NPRL3: variants seen among roughly 807,000 people sequenced by gnomAD.
NPRL3 encodes the protein GATOR1 complex protein NPRL3.
In NPRL3, 23 loss-of-function variants were observed where a neutral mutation model predicts 57.2. That is an observed-to-expected ratio of 0.40 (90% confidence interval 0.29 to 0.57). The LOEUF (loss-of-function observed/expected upper bound fraction) is 0.57. Among genes scored for constraint, NPRL3 ranks in the 20% least tolerant of loss-of-function variants. NPRL3 has a pLI of 0.42. For synonymous variants in NPRL3, 333 were observed against 321.1 expected (o/e 1.04, Z -0.39); for missense variants, 691 against 767.1 (o/e 0.90, Z 1.17).
chr16:110,492 A>G lies in NPRL3; in HGVS notation c.629+33T>C, dbSNP rs1456159278. ...AGGCCCAGGCAGGCTGGCCCATAAG[A>G]AGGAGGTTAATAAGCACACCCACCT... On this transcript the variant is annotated intron_variant, in intron 7 of 13. Coordinates refer to ENST00000611875, the MANE Select transcript of NPRL3 (RefSeq NM_001077350.3). 4 of 1,575,034 alleles carry G rather than the reference A, an allele frequency of 2.5e-6. No individual in the cohort carries two copies. In the Admixed American group the frequency reaches 7.0e-5, roughly 28 times the overall value.
chr16:131,562 C>T (rs931819705), intron 2 of NPRL3, among the ~76,000 whole-genome samples: 3 of 123,506 alleles, frequency 2.4e-5, no homozygotes, highest in African/African-American at 9.4e-5. Flanking sequence ...TGTGCTACTG[C>T]ACTTGAGCCT....
intron 3 of NPRL3, among the ~76,000 whole-genome samples, chr16:125,459 G>C (rs1900475859): frequency 6.6e-6 from 1 of 152,192 alleles, no homozygotes; most frequent in Admixed American, 6.5e-5. Context: ...TTCCTGACAG[G>C]AGCATTTTAC....
intron 2 of NPRL3, among the ~76,000 whole-genome samples, chr16:137,049 A>T (rs1392547732): frequency 1.5e-5 from 1 of 64,572 alleles, no homozygotes; most frequent in Non-Finnish European, 2.8e-5. Flanking sequence ...CTCTACTAAA[A>T]AAAAAAAAAA....
At position 85,415 on chromosome 16, in the gene NPRL3, G is replaced by A. The variant is rs145824088; in HGVS notation, c.*1290C>T. 944 of 1,608,250 alleles carry A rather than the reference G, an allele frequency of 5.9e-4. 1 individual carries two copies. The highest frequency in any genetic ancestry group is 7.1e-4 in the Non-Finnish European group (835 of 1,177,262). On this transcript the variant is annotated 3_prime_UTR_variant, in exon 14 of 14. Transcript: ENST00000611875. ...CCGTCCCACAGGGGACGGGGCTTGC[G>A]TCTTGCTGCGAGCACTGGAGCCCCT...
At position 130,509 on chromosome 16, in the gene NPRL3, G is replaced by T. The variant is rs373318523; in HGVS notation, c.188+13C>A. 6.5e-7 allele frequency: 1 copy of T among 1,548,974 alleles called. No individual in the cohort carries two copies. Among genetic ancestry groups the T allele is most frequent in the South Asian group, 1.2e-5 (1 of 84,116 alleles). On this transcript the variant is annotated intron_variant, in intron 3 of 13. Transcript: ENST00000611875. ...GGACACGCCCCGCCCTGAAGTGGCC[G>T]CAGAGCCTTTACCTGGAATCGCCGT...
At chr16:96,375 C>T (rs1028040725) in intron 9 of NPRL3, among the ~76,000 whole-genome samples, 20 of 152,152 alleles carry the variant, frequency 1.3e-4, no homozygotes, top group Non-Finnish European at 7.3e-5. Flanking sequence ...GTGGTCGGTG[C>T]TCATCAGGAC....
chr16:137,857 C>T (rs1333891103), intron 2 of NPRL3, among the ~76,000 whole-genome samples: 1 of 152,022 alleles, frequency 6.6e-6, no homozygotes, highest in African/African-American at 2.4e-5. Flanking sequence ...CGGCCTTGTT[C>T]GTGTAATTTT....
chr16:100,939 C>G (rs1899269390), intron 7 of NPRL3, among the ~76,000 whole-genome samples: 1 of 115,688 alleles, frequency 8.6e-6, no homozygotes, highest in African/African-American at 3.5e-5. Context: ...CCACTGCACT[C>G]CAGCCTGGGC....
intron 3 of NPRL3, among the ~76,000 whole-genome samples, chr16:127,994 C>CTTTTTTT (rs112188139): frequency 1.5e-5 from 2 of 133,334 alleles, no homozygotes; most frequent in Non-Finnish European, 1.6e-5. Context: ...CCATCTTCTT[C>CTTTTTTT]TTTTTTTTTT....
intron 11 of NPRL3, chr16:90,969 A>C (rs538147809): frequency 6.6e-6 from 1 of 152,330 alleles, no homozygotes; most frequent in Non-Finnish European, 1.5e-5. Flanking sequence ...AATCCCAGCT[A>C]CTTGGGAGGC....
intron 3 of NPRL3, among the ~76,000 whole-genome samples, chr16:127,951 G>A (rs536188409): frequency 2.6e-4 from 40 of 151,706 alleles, no homozygotes; most frequent in African/African-American, 8.5e-4. Flanking sequence ...CACTGCGCCC[G>A]GCCGCAAGTG....
chr16:102,209 G>C (rs1311569637), intron 7 of NPRL3, among the ~76,000 whole-genome samples: 2 of 152,180 alleles, frequency 1.3e-5, no homozygotes, highest in Admixed American at 1.3e-4. Flanking sequence ...CTCCCTGATG[G>C]AGAAGCCAGG....
At chr16:100,848 G>C (rs1321788437) in intron 7 of NPRL3, among the ~76,000 whole-genome samples, 1 of 150,364 alleles carries the variant, frequency 6.7e-6, no homozygotes, top group Non-Finnish European at 1.5e-5. Flanking sequence ...GCGGGCGCCT[G>C]TAGTCCCAGC....
chr16:136,536 A>T (rs993428326), intron 2 of NPRL3, among the ~76,000 whole-genome samples: 1 of 151,630 alleles, frequency 6.6e-6, no homozygotes, highest in Non-Finnish European at 1.5e-5. Context: ...AAAAATAAAA[A>T]AAAAAATTAG....
At chr16:98,561 G>A (rs1196174119) in intron 8 of NPRL3, among the ~76,000 whole-genome samples, 2 of 152,232 alleles carry the variant, frequency 1.3e-5, no homozygotes, top group Admixed American at 1.3e-4. Context: ...GACACAAACA[G>A]GCAGCTGGAG....
chr16:101,437 C>T (rs1449457181), intron 7 of NPRL3, among the ~76,000 whole-genome samples: 2 of 152,210 alleles, frequency 1.3e-5, no homozygotes, highest in African/African-American at 2.4e-5. Context: ...CACTTCACTA[C>T]GACGGAAAAC....
chr16:86,144 G>C lies in NPRL3; in HGVS notation c.*561C>G, dbSNP rs1217995410. The stretch of plus-strand genomic sequence containing the variant: ...ACAGCTTGGCTATGAGCCTGTTTGC[G>C]GCTTCTGTGGACTGTGGTGAGGACT... On this transcript the variant is annotated 3_prime_UTR_variant, in exon 14 of 14. Coordinates refer to ENST00000611875, the MANE Select transcript of NPRL3 (RefSeq NM_001077350.3). The C allele has an allele frequency of 4.8e-6, 1 of 208,614 alleles. No individual in the cohort carries two copies. The highest frequency in any genetic ancestry group is 1.6e-4 in the South Asian group (1 of 6,256). The allele number at this position is 208,614 out of a possible 1,614,324, so 12.9% of individuals were successfully genotyped here.
chr16:97,161 T>TG (rs1446832835), intron 9 of NPRL3, among the ~76,000 whole-genome samples: 25 of 152,110 alleles, frequency 1.6e-4, no homozygotes, highest in Admixed American at 1.0e-3. Flanking sequence ...AATGGTCCCG[T>TG]GGCTCTGGGC....
At chr16:134,781 A>G (rs1900987958) in intron 2 of NPRL3, among the ~76,000 whole-genome samples, 1 of 142,896 alleles carries the variant, frequency 7.0e-6, no homozygotes, top group Admixed American at 7.4e-5. Context: ...GGCTCACTGC[A>G]AGCTCCGCCT....
Sources: allele counts gnomAD v4.1 joint callset (sites outside exome capture counted in the v4.1 genomes callset), GRCh38; gene constraint gnomAD v4.1.1; transcripts MANE v1.5; gene names NCBI Gene and HGNC (gene_info 2026-07-23, HGNC 2026-07-21).